Variants in BBX observed in about 807,000 individuals in gnomAD.
BBX encodes the protein BBX high mobility group box domain containing.
A neutral mutation model predicts 100.2 loss-of-function variants in BBX; 30 were observed. The ratio of observed to expected loss-of-function variants is 0.30; its 90% CI spans 0.22 to 0.41. BBX has a LOEUF of 0.41. Among genes scored for constraint, BBX ranks in the 10% least tolerant of loss-of-function variants. BBX has a pLI of 1.00. For synonymous variants in BBX, 376 were observed against 388.1 expected (o/e 0.97, Z 0.37); for missense variants, 1,023 against 1,129.8 (o/e 0.91, Z 1.35).
chr3:107,639,813 G>A (rs560062578), intron 2 of BBX, among the ~76,000 whole-genome samples: 6 of 152,242 alleles, frequency 3.9e-5, no homozygotes, highest in African/African-American at 1.4e-4. Context: ...AATTGGTAGG[G>A]TTAAAAGTGA....
intron 2 of BBX, among the ~76,000 whole-genome samples, chr3:107,613,158 C>T (rs992236436): frequency 6.6e-6 from 1 of 151,136 alleles, no homozygotes; most frequent in Admixed American, 6.6e-5. Flanking sequence ...GGGCTCCCCT[C>T]TGGCCCAGGG....
intron 3 of BBX, among the ~76,000 whole-genome samples, chr3:107,707,053 T>C (rs1286304006): frequency 6.6e-6 from 1 of 152,208 alleles, no homozygotes. Context: ...AGTTTATACT[T>C]TGAGGTATTT....
intron 2 of BBX, among the ~76,000 whole-genome samples, chr3:107,595,658 C>G (rs1645562645): frequency 6.6e-6 from 1 of 152,152 alleles, no homozygotes; most frequent in Admixed American, 6.5e-5. Flanking sequence ...CTTGTTATGT[C>G]AGAGCAGACT....
intron 3 of BBX, among the ~76,000 whole-genome samples, chr3:107,697,954 G>A (rs528882144): frequency 2.0e-5 from 3 of 152,028 alleles, no homozygotes; most frequent in East Asian, 1.9e-4. Flanking sequence ...GGAGTGACCC[G>A]ATTTTCCAGG....
chr3:107,619,767 T>G (rs1356865105), intron 2 of BBX, among the ~76,000 whole-genome samples: 2 of 152,162 alleles, frequency 1.3e-5, no homozygotes, highest in Admixed American at 1.3e-4. Flanking sequence ...AATGTGTCAT[T>G]CCTTCTGACC....
intron 2 of BBX, among the ~76,000 whole-genome samples, chr3:107,557,759 G>C (rs1468929850): frequency 6.6e-6 from 1 of 152,182 alleles, no homozygotes; most frequent in Non-Finnish European, 1.5e-5. Flanking sequence ...CCAAGTTTTA[G>C]TTATTGTATG....
At chr3:107,720,347 G>A (rs1025651338) in intron 5 of BBX, among the ~76,000 whole-genome samples, 2 of 152,104 alleles carry the variant, frequency 1.3e-5, no homozygotes, top group African/African-American at 4.8e-5. Context: ...AGTCTTACAG[G>A]AAGAATCTGC....
chr3:107,741,176 T>C (rs1349535100), intron 7 of BBX, among the ~76,000 whole-genome samples: 1 of 151,994 alleles, frequency 6.6e-6, no homozygotes, highest in Non-Finnish European at 1.5e-5. Context: ...GTTGTGGTCC[T>C]GTGTTTTGCA....
chr3:107,655,513 T>TTA (rs1322508814), intron 3 of BBX, among the ~76,000 whole-genome samples: 1 of 52,752 alleles, frequency 1.9e-5, no homozygotes, highest in Non-Finnish European at 4.3e-5. Context: ...GATAATTAAT[T>TTA]TTTTTTTTTT....
Position 107,584,672 on chromosome 3 carries a change from CTTTTTTTTTTTTTTTTTTTT to C in BBX, c.-84+58291_-84+58310del, listed in dbSNP as rs58393281. On this transcript the variant is annotated intron_variant, in intron 2 of 17. Transcript: ENST00000325805. ...TAAAAAGTGATTTTTCCGTTGAAAT[CTTTTTTTTTTTTTTTTTTTT>C]TTTTTTTTTTTTTTTTGAGGTGGAG... is the stretch of plus-strand genomic sequence containing the variant. Among the ~76,000 whole-genome samples the C allele has an allele frequency of 5.0e-3, 142 of 28,380 alleles. 1 individual carries two copies. Among genetic ancestry groups the C allele is most frequent in the African/African-American group, 0.018 (137 of 7,546 alleles). The allele number at this position is 28,380 out of a possible 152,430, so 18.6% of individuals were successfully genotyped here.
intron 2 of BBX, among the ~76,000 whole-genome samples, chr3:107,549,092 G>T (rs2049464328): frequency 6.6e-6 from 1 of 152,066 alleles, no homozygotes; most frequent in African/African-American, 2.4e-5. Flanking sequence ...TCAGCATCAT[G>T]CAATATACCC....
intron 3 of BBX, among the ~76,000 whole-genome samples, chr3:107,700,823 C>A (rs901038563): frequency 1.1e-4 from 16 of 151,838 alleles, no homozygotes; most frequent in Non-Finnish European, 2.1e-4. Context: ...GCCACATTTT[C>A]TTAATCCAGT....
At chr3:107,661,372 T>C (rs2058435703) in intron 3 of BBX, among the ~76,000 whole-genome samples, 1 of 152,190 alleles carries the variant, frequency 6.6e-6, no homozygotes, top group Non-Finnish European at 1.5e-5. Context: ...TTCATTTGCT[T>C]GTGTCTTGGG....
intron 2 of BBX, among the ~76,000 whole-genome samples, chr3:107,600,545 CT>C (rs2053989335): frequency 6.6e-6 from 1 of 152,180 alleles, no homozygotes; most frequent in African/African-American, 2.4e-5. Flanking sequence ...TACAAAGGTG[CT>C]GGCACTGTTC....
chr3:107,785,984 A>G (rs2068378944), intron 13 of BBX, among the ~76,000 whole-genome samples: 1 of 152,106 alleles, frequency 6.6e-6, no homozygotes, highest in African/African-American at 2.4e-5. Flanking sequence ...GTAGAGCTGC[A>G]GGTTATAAGG....
intron 2 of BBX, among the ~76,000 whole-genome samples, chr3:107,612,982 C>T (rs759296353): frequency 3.3e-5 from 5 of 152,050 alleles, no homozygotes; most frequent in Admixed American, 6.6e-5. Context: ...CTCACTCTTC[C>T]CTCCCCTTTC....
chr3:107,791,197 A>G (rs780748803), intron 14 of BBX, 43 bp from the exon 15 acceptor site: 2 of 1,543,030 alleles, frequency 1.3e-6, no homozygotes, highest in South Asian at 1.1e-5. Context: ...ATCTACTAAG[A>G]GTAGAGTTTC....
At chr3:107,538,792 CT>C (rs557669822) in intron 2 of BBX, among the ~76,000 whole-genome samples, 7,307 of 144,790 alleles carry the variant, frequency 0.05, 547 homozygotes, top group African/African-American at 0.17. Context: ...GAGGAATCAT[CT>C]TTTTTTTTTT....
At chr3:107,743,918 G>GTTTTTTTTTTTTTTTTT (rs34762783) in intron 7 of BBX, among the ~76,000 whole-genome samples, 1 of 56,622 alleles carries the variant, frequency 1.8e-5, no homozygotes, top group Non-Finnish European at 3.1e-5. Flanking sequence ...TGTTTTAGTG[G>GTTTTTTTTTTTTTTTTT]TTTTTTTTTT....
Sources: gnomAD v4.1 joint callset for allele counts (sites outside exome capture counted in the v4.1 genomes callset) on GRCh38, gnomAD v4.1.1 for gene constraint, MANE v1.5 for transcripts, NCBI Gene and HGNC (gene_info 2026-07-23, HGNC 2026-07-21) for gene names.